The following SLCO2B1 variants were observed in gnomAD, a reference collection of about 807,000 sequenced individuals.
SLCO2B1 encodes the protein solute carrier organic anion transporter family member 2B1, also known as OATP-RP2.
In SLCO2B1, 41 loss-of-function variants were observed where a neutral mutation model predicts 67.3. The observed-to-expected ratio is 0.61, with a 90% CI of 0.47 to 0.79. SLCO2B1 has a LOEUF of 0.79. Ranked by LOEUF, SLCO2B1 falls within the 30% of genes least tolerant of loss-of-function variation. SLCO2B1 has a pLI of 0.00. For synonymous variants in SLCO2B1, 379 were observed against 381.4 expected (o/e 0.99, Z 0.07); for missense variants, 837 against 920.1 (o/e 0.91, Z 1.17).
In SLCO2B1 at chr11:75,191,572, G is replaced by C. The variant is rs533508168; in HGVS notation, c.1076-1646G>C. On this transcript the variant is annotated intron_variant, in intron 8 of 13. Transcript: ENST00000289575. The stretch of plus-strand genomic sequence containing the variant: ...GGAAACAGATCCTAGCCTGGCCCAG[G>C]GGGCTAGGGAACCAGCTGGCTTGGC... 1.1e-4 allele frequency among the ~76,000 whole-genome samples: 17 copies of C among 152,246 alleles called. No individual in the cohort carries two copies. In the East Asian group the frequency reaches 3.3e-3, roughly 29 times the overall value.
At chr11:75,203,571 C>T (rs899787280) in intron 13 of SLCO2B1, 144 bp downstream of exon 13, 39 of 1,041,630 alleles carry the variant, frequency 3.7e-5, no homozygotes, top group Non-Finnish European at 5.3e-5. Flanking sequence ...CTGAGCTCAC[C>T]AGTCCTTCAA....
rs995893327 is a variant in SLCO2B1 at position 75,203,595 on chromosome 11, C to T, written c.1949+168C>T. The T allele has an allele frequency of 1.4e-5, 11 of 786,096 alleles. No individual in the cohort carries two copies. The Admixed American group carries it at 2.8e-4, about 20-fold the overall frequency. 48.7% of individuals were successfully genotyped at this position (786,096 alleles called of 1,614,324 possible). ...CCAGTCCTTCAAGCTAAACACTGCC[C>T]CCCTCCTTTTATAGATGAGGAAAGT... On this transcript the variant is annotated intron_variant, in intron 13 of 13. Transcript: ENST00000289575.
At chr11:75,173,910 C>G (rs1437243323) in intron 7 of SLCO2B1, among the ~76,000 whole-genome samples, 1 of 152,202 alleles carries the variant, frequency 6.6e-6, no homozygotes, top group Non-Finnish European at 1.5e-5. Flanking sequence ...TCAAGCGATT[C>G]TTCCGCCTCA....
rs930782525 is a variant in SLCO2B1, at chr11:75,204,459, T to C, written c.2009T>C (p.Leu670Ser). The C allele has an allele frequency of 7.4e-6, 12 of 1,613,130 alleles. No homozygotes were observed. Among genetic ancestry groups the C allele is most frequent in the African/African-American group, 6.7e-5 (5 of 74,920 alleles). The change falls in exon 14 of 14, where the codon TTG becomes TCG. Residue 670 changes from leucine to serine, a missense_variant. Coordinates refer to ENST00000289575, the MANE Select transcript of SLCO2B1 (RefSeq NM_007256.5). Reference sequence around the variant, plus strand: ...TCTGTGATCTGCTTCGCCTTAGTTTTGGCTGTCCTGAGGCAGCAGGACAAA... The same window carrying C: ...TCTGTGATCTGCTTCGCCTTAGTTTCGGCTGTCCTGAGGCAGCAGGACAAA... ...TGSVICFALVLAVLRQQDKEA... is the reference protein window; with the variant it reads ...TGSVICFALVSAVLRQQDKEA...
intron 1 of SLCO2B1, among the ~76,000 whole-genome samples, chr11:75,160,909 T>C (rs1252608358): frequency 6.6e-6 from 1 of 152,244 alleles, no homozygotes; most frequent in Non-Finnish European, 1.5e-5. Context: ...AGGATGGCTA[T>C]AATTGAAAAG....
intron 4 of SLCO2B1, 80 bp downstream of exon 4, chr11:75,166,029 C>A: frequency 6.7e-7 from 1 of 1,488,936 alleles, no homozygotes; most frequent in Non-Finnish European, 9.1e-7. Flanking sequence ...CACAGGCATT[C>A]ATCTGGCAGG....
At chr11:75,164,251 A>G in intron 3 of SLCO2B1, 151 bp downstream of exon 3, 1 of 837,630 alleles carries the variant, frequency 1.2e-6, no homozygotes, top group Non-Finnish European at 1.8e-6. Context: ...GAAACCTCAG[A>G]GCGTTTGCAG....
At chr11:75,173,837 GAC>G (rs1949993505) in intron 7 of SLCO2B1, among the ~76,000 whole-genome samples, 1 of 152,280 alleles carries the variant, frequency 6.6e-6, no homozygotes, top group African/African-American at 2.4e-5. Context: ...TATTTTTTGA[GAC>G]AGAGTCTTAC....
At chr11:75,186,558 G>A (rs2140330712) in intron 7 of SLCO2B1, among the ~76,000 whole-genome samples, 1 of 151,700 alleles carries the variant, frequency 6.6e-6, no homozygotes, top group South Asian at 2.1e-4. Context: ...TCGCCATGTT[G>A]CCCAGGCTGG....
At chr11:75,158,600 T>C (rs1276558216) in intron 1 of SLCO2B1, among the ~76,000 whole-genome samples, 1 of 152,230 alleles carries the variant, frequency 6.6e-6, no homozygotes, top group African/African-American at 2.4e-5. Context: ...CTAGGTTTTA[T>C]GACCTGCTTC....
At chr11:75,176,304 G>C (rs1305084750) in intron 7 of SLCO2B1, among the ~76,000 whole-genome samples, 1 of 151,902 alleles carries the variant, frequency 6.6e-6, no homozygotes, top group African/African-American at 2.4e-5. Flanking sequence ...TGGGTCAGGG[G>C]CTCAGAGGGG....
At position 75,169,390 on chromosome 11, in the gene SLCO2B1, C is replaced by A; in HGVS notation, c.666C>A (p.Asn222Lys). Residue 222 changes from asparagine to lysine, a missense_variant, in exon 5 of 14, where the codon AAC (asparagine) becomes AAA (lysine). Transcript: ENST00000289575. ...SYIDDFAHNS[N>K]SPLYLGILFA... The stretch of plus-strand genomic sequence containing the variant: ...TCGATGACTTTGCCCACAACAGCAA[C>A]TCGCCCCTCTACCTCGGTGAGGACC... The A allele has an allele frequency of 1.3e-6, 2 of 1,599,864 alleles. No individual in the cohort carries two copies. The highest frequency in any genetic ancestry group is 1.1e-5 in the South Asian group (1 of 89,980).
rs1945274451 is a variant in SLCO2B1, at chr11:75,206,205, A to G, written c.*1625A>G. Reference sequence around the variant, plus strand: ...TGTTTCCCAGGTTTTGCAGGGAAAAAAAGTCTGGAATTATAGATACAGCTT... The same window carrying G: ...TGTTTCCCAGGTTTTGCAGGGAAAAGAAGTCTGGAATTATAGATACAGCTT... On this transcript the variant is annotated 3_prime_UTR_variant, in exon 14 of 14. Transcript: ENST00000289575. 1 of 152,186 alleles carries G rather than the reference A, an allele frequency of 6.6e-6. No individual in the cohort carries two copies. The highest frequency in any genetic ancestry group is 2.4e-5 in the African/African-American group (1 of 41,436). The allele number at this position is 152,186 out of a possible 1,614,324, so 9.4% of individuals were successfully genotyped here.
At chr11:75,203,451 T>C in intron 13 of SLCO2B1, 24 bp downstream of exon 13, 1 of 1,613,436 alleles carries the variant, frequency 6.2e-7, no homozygotes, top group South Asian at 1.1e-5. Flanking sequence ...TGATGGCTTG[T>C]GGGAAGGGTG....
chr11:75,203,683 A>G, intron 13 of SLCO2B1: 1 of 467,152 alleles, frequency 2.1e-6, no homozygotes. Context: ...GGCCTTGACC[A>G]CAGAGTCTAT....
Position 75,172,427 on chromosome 11 carries a change from G to T in SLCO2B1, c.830G>T (p.Trp277Leu). The T allele has an allele frequency of 6.2e-7, 1 of 1,614,168 alleles. No homozygotes were observed. Among genetic ancestry groups the T allele is most frequent in the Non-Finnish European group, 8.5e-7 (1 of 1,180,004 alleles). Residue 277 changes from tryptophan (W) to leucine (L), a missense_variant, in exon 7 of 14, where the codon TGG becomes TTG. By Grantham distance (61) the Trp-to-Leu change is moderately conservative. Coordinates refer to ENST00000289575, the MANE Select transcript of SLCO2B1 (RefSeq NM_007256.5). ...GACCCCCGATGGGTGGGTGCCTGGT[G>T]GCTGGGTTTCCTCATCGCTGCCGGT... is the stretch of plus-strand genomic sequence containing the variant. ...IKDPRWVGAWWLGFLIAAGAV... is the reference protein window; with the variant it reads ...IKDPRWVGAWLLGFLIAAGAV...
intron 1 of SLCO2B1, chr11:75,157,150 G>C (rs1474082637): frequency 6.6e-6 from 1 of 152,202 alleles, no homozygotes; most frequent in Non-Finnish European, 1.5e-5. Flanking sequence ...TGAATTTTGT[G>C]GGGAGAGAGT....
chr11:75,176,120 T>C (rs1789693), intron 7 of SLCO2B1, among the ~76,000 whole-genome samples: 5 of 152,154 alleles, frequency 3.3e-5, no homozygotes, highest in African/African-American at 1.2e-4. Context: ...GCTAGGCCCA[T>C]GGACTCCTGG....
chr11:75,194,040 G>A (rs1945066369), intron 9 of SLCO2B1, among the ~76,000 whole-genome samples: 1 of 152,176 alleles, frequency 6.6e-6, no homozygotes, highest in Admixed American at 6.5e-5. Context: ...GCCCCTATCA[G>A]GGAGGCTGCA....
Sources: gnomAD v4.1 joint callset for allele counts (sites outside exome capture counted in the v4.1 genomes callset) on GRCh38, gnomAD v4.1.1 for gene constraint, MANE v1.5 for transcripts, NCBI Gene and HGNC (gene_info 2026-07-23, HGNC 2026-07-21) for gene names.